Variants in ATP6V0E2 observed in about 807,000 individuals in gnomAD.
ATP6V0E2 encodes V-type proton ATPase subunit e 2.
ATP6V0E2 carries 4 observed loss-of-function variants against 11.5 expected under a neutral mutation model. The ratio of observed to expected loss-of-function variants is 0.35; its 90% CI spans 0.17 to 0.80. The LOEUF is 0.80. ATP6V0E2 is among the 30% of genes least tolerant of loss of function. ATP6V0E2 has a pLI of 0.53. For synonymous variants in ATP6V0E2, 52 were observed against 51.0 expected (o/e 1.02, Z -0.09); for missense variants, 93 against 113.5 (o/e 0.82, Z 0.82).
chr7:149,878,056 G>A (rs748310560), intron 2 of ATP6V0E2, among the ~76,000 whole-genome samples: 2 of 152,230 alleles, frequency 1.3e-5, no homozygotes, highest in Admixed American at 1.3e-4. Context: ...CTGACAGAGC[G>A]TGGGGACCTA....
rs1259508582 is a variant in ATP6V0E2, at chr7:149,874,083, C to G, written c.18C>G (p.Phe6Leu). The G allele has an allele frequency of 6.5e-7, 1 of 1,550,032 alleles. No individual in the cohort carries two copies. Among genetic ancestry groups the G allele is most frequent in the Admixed American group, 2.0e-5 (1 of 50,990 alleles). MTAHS[F>L]ALPVIIFTTF... Reference sequence around the variant, plus strand: ...GCCCGGCCATGACGGCGCACTCATTCGCCCTCCCGGTCATCATCTTCACCA... The same window carrying G: ...GCCCGGCCATGACGGCGCACTCATTGGCCCTCCCGGTCATCATCTTCACCA... The change falls in exon 1 of 4, where the codon TTC becomes TTG. Residue 6 changes from phenylalanine to leucine, a missense_variant. By Grantham distance (22) the Phe-to-Leu change is conservative. Coordinates refer to ENST00000425642, the MANE Select transcript of ATP6V0E2 (RefSeq NM_145230.4).
intron 2 of ATP6V0E2, 117 bp from the exon 3 acceptor site, chr7:149,878,561 A>T: frequency 1.2e-6 from 1 of 801,918 alleles, no homozygotes; most frequent in Non-Finnish European, 1.9e-6. Context: ...CACCCTGGGA[A>T]CACAGGCCCT....
chr7:149,873,746 G>C (rs935926211), upstream of ATP6V0E2: 1 of 837,196 alleles, frequency 1.2e-6, no homozygotes, highest in Non-Finnish European at 1.7e-6. Context: ...AATGCGGCGT[G>C]ACGTTGGCTG....
chr7:149,875,696 T>C, intron 2 of ATP6V0E2, 51 bp downstream of exon 2: 1 of 1,550,496 alleles, frequency 6.4e-7, no homozygotes, highest in Non-Finnish European at 8.9e-7. Flanking sequence ...TTGTCCTCCC[T>C]CCTTTCCTCC....
rs767416129 is a variant in ATP6V0E2, at chr7:149,879,760, G to A, written c.*445G>A. ...CAGTCAGCAGCTCTGCCACCATCCT[G>A]CTGGGAACTGGGGGGGCCTCTATTG... On this transcript the variant is annotated 3_prime_UTR_variant, in exon 4 of 4. Transcript: ENST00000425642. The A allele has an allele frequency of 3.7e-6, 4 of 1,089,504 alleles. No individual in the cohort carries two copies. The South Asian group carries it at 1.2e-4, about 33-fold the overall frequency. The allele number at this position is 1,089,504 out of a possible 1,614,324, so 67.5% of individuals were successfully genotyped here.
In ATP6V0E2 at chr7:149,874,116, G is replaced by A; in HGVS notation, c.51G>A (p.Trp17Ter). Residue 17 changes from tryptophan (W) to a stop codon, truncating the protein, a stop_gained, in exon 1 of 4, where the codon TGG becomes TGA. Transcript: ENST00000425642. LOFTEE classifies it high-confidence loss of function. ...CGGTCATCATCTTCACCACGTTCTG[G>A]GGCCTCGTCGGCATCGCCGGGCCCT... ...ALPVIIFTTF[W>*]GLVGIAGPWF... The A allele has an allele frequency of 6.5e-7, 1 of 1,549,902 alleles. No homozygotes were observed. Among genetic ancestry groups the A allele is most frequent in the Non-Finnish European group, 8.7e-7 (1 of 1,146,572 alleles).
At position 149,875,629 on chromosome 7, in the gene ATP6V0E2, G is replaced by C. The variant is rs761485568; in HGVS notation, c.136G>C (p.Val46Leu). ...CATCACCATGCTGGTCGCCACCGCC[G>C]TCTGCTGTTACCTCTTGTAAGTACT... Reference protein sequence around the residue: ...VIITMLVATAVCCYLFWLIAI... With the variant: ...VIITMLVATALCCYLFWLIAI... The change falls in exon 2 of 4, where the codon GTC becomes CTC. Residue 46 changes from valine (V) to leucine (L), a missense_variant. By Grantham distance (32) the Val-to-Leu change is conservative. Transcript: ENST00000425642. 1 of 1,613,768 alleles carries C rather than the reference G, an allele frequency of 6.2e-7. No individual in the cohort carries two copies. The highest frequency in any genetic ancestry group is 2.2e-5 in the East Asian group (1 of 44,882).
At chr7:149,879,228 A>C (rs1313617003) in intron 3 of ATP6V0E2, 107 bp from the exon 4 acceptor site, 2 of 1,404,052 alleles carry the variant, frequency 1.4e-6, no homozygotes, top group Non-Finnish European at 1.8e-6. Context: ...GGGAAAGGGT[A>C]AGCTGAGGAC....
intron 1 of ATP6V0E2, chr7:149,874,915 G>C (rs1177561138): frequency 6.5e-6 from 1 of 153,548 alleles, no homozygotes; most frequent in Non-Finnish European, 1.4e-5. Flanking sequence ...AGTTAGCTTT[G>C]CCCAAAGGCC....
chr7:149,879,671 A>C lies in ATP6V0E2; in HGVS notation c.*356A>C. The C allele has an allele frequency of 7.0e-7, 1 of 1,436,640 alleles. No homozygotes were observed. Among genetic ancestry groups the C allele is most frequent in the Non-Finnish European group, 9.2e-7 (1 of 1,090,382 alleles). The allele number at this position is 1,436,640 out of a possible 1,614,324, so 89.0% of individuals were successfully genotyped here. ...CGGGGCAGATGCCAGGACTCAGCCCATCCTGAGGAGGACACGTGTCCTCAT... is the reference window on the plus strand; with the variant it reads ...CGGGGCAGATGCCAGGACTCAGCCCCTCCTGAGGAGGACACGTGTCCTCAT... On this transcript the variant is annotated 3_prime_UTR_variant, in exon 4 of 4. Transcript: ENST00000425642.
At chr7:149,876,116 G>A (rs1009791792) in intron 2 of ATP6V0E2, 8 of 456,198 alleles carry the variant, frequency 1.8e-5, no homozygotes, top group Admixed American at 2.3e-5. Flanking sequence ...GGCGGCTCAC[G>A]CCTGTAATCC....
intron 3 of ATP6V0E2, 100 bp downstream of exon 3, chr7:149,878,890 C>CTCCCTT (rs1163735204): frequency 0.23 from 82,111 of 353,254 alleles, 14,002 homozygotes; most frequent in African/African-American, 0.45. Flanking sequence ...ATGCGGCCAA[C>CTCCCTT]CCAGCAGATG....
At position 149,878,840 on chromosome 7, in the gene ATP6V0E2, TTTCCCACACCCA is replaced by T. The variant is rs1563138220; in HGVS notation, c.*19+51_*19+62del. 2.0e-3 allele frequency: 2,360 copies of T among 1,160,538 alleles called. 791 individuals are homozygous for T. The highest frequency in any genetic ancestry group is 3.2e-3 in the African/African-American group (181 of 55,744). 71.9% of individuals were successfully genotyped at this position (1,160,538 alleles called of 1,614,324 possible). A position where few individuals can be genotyped will look rare whatever the true frequency, so the allele number is the denominator to read the frequency against. ...GTGGGGAAGAGGGGAAAGACAAGGC[TTTCCCACACCCA>T]GGGCAGGCCTCGGTCATATTATTTT... On this transcript the variant is annotated intron_variant, in intron 3 of 3. Coordinates refer to ENST00000425642, the MANE Select transcript of ATP6V0E2 (RefSeq NM_145230.4).
At chr7:149,876,857 A>G (rs1267312011) in intron 2 of ATP6V0E2, among the ~76,000 whole-genome samples, 1 of 152,248 alleles carries the variant, frequency 6.6e-6, no homozygotes, top group Non-Finnish European at 1.5e-5. Context: ...TCATTCTTTA[A>G]GAGGTAACAG....
At chr7:149,877,379 GC>G (rs1803209927) in intron 2 of ATP6V0E2, among the ~76,000 whole-genome samples, 1 of 152,024 alleles carries the variant, frequency 6.6e-6, no homozygotes, top group Non-Finnish European at 1.5e-5. Flanking sequence ...ACAGGGTCTT[GC>G]CATGTTGCTA....
chr7:149,879,504 GC>G lies in ATP6V0E2; in HGVS notation c.*192del, dbSNP rs1382368325. 1 of 1,591,076 alleles carries G rather than the reference GC, an allele frequency of 6.3e-7. No individual in the cohort carries two copies. The highest frequency in any genetic ancestry group is 1.3e-5 in the African/African-American group (1 of 74,428). The stretch of plus-strand genomic sequence containing the variant: ...GAAGTCTTCCCAGTCTTCCCAGCCA[GC>G]CCGGGCCCTGGGGAGCCCTGGGCAC... On this transcript the variant is annotated 3_prime_UTR_variant, in exon 4 of 4. Transcript: ENST00000425642.
chr7:149,876,437 T>C (rs561676878), intron 2 of ATP6V0E2, among the ~76,000 whole-genome samples: 19 of 152,298 alleles, frequency 1.2e-4, no homozygotes, highest in African/African-American at 3.8e-4. Flanking sequence ...CCTGGGGATA[T>C]AGAAGAACAT....
At chr7:149,877,727 G>T (rs1190109367) in intron 2 of ATP6V0E2, among the ~76,000 whole-genome samples, 1 of 151,946 alleles carries the variant, frequency 6.6e-6, no homozygotes, top group Admixed American at 6.5e-5. Context: ...GGGGAGACGG[G>T]GCCTACACAA....
intron 1 of ATP6V0E2, 135 bp from the exon 2 acceptor site, chr7:149,875,463 C>A: frequency 1.2e-6 from 1 of 835,396 alleles, no homozygotes; most frequent in Non-Finnish European, 2.0e-6. Flanking sequence ...TAGAACTCAG[C>A]CTCCTGTGTC....
Sources: gnomAD v4.1 joint callset for allele counts (sites outside exome capture counted in the v4.1 genomes callset) on GRCh38, gnomAD v4.1.1 for gene constraint, MANE v1.5 for transcripts, NCBI Gene and HGNC (gene_info 2026-07-23, HGNC 2026-07-21) for gene names.